Variants in DNAH12 observed in about 807,000 individuals in gnomAD.
DNAH12 encodes dynein axonemal heavy chain 12.
Under a neutral mutation model 371.5 loss-of-function variants are expected in DNAH12, and 285 were observed. The ratio of observed to expected loss-of-function variants is 0.77; its 90% CI spans 0.70 to 0.85. The LOEUF is 0.85. DNAH12 is among the 40% of genes least tolerant of loss of function. The pLI is 0.00. For synonymous variants in DNAH12, 1,200 were observed against 1,213.0 expected (o/e 0.99, Z 0.22); for missense variants, 3,611 against 3,689.4 (o/e 0.98, Z 0.55).
chr3:57,368,573 T>C (rs1211221935), intron 55 of DNAH12, among the ~76,000 whole-genome samples: 1 of 152,190 alleles, frequency 6.6e-6, no homozygotes, highest in Non-Finnish European at 1.5e-5. Context: ...CAATATAATA[T>C]GCTGTCTTCA....
intron 60 of DNAH12, 50 bp from the exon 61 acceptor site, chr3:57,334,990 A>G (rs1009826881): frequency 6.6e-7 from 1 of 1,503,988 alleles, no homozygotes; most frequent in African/African-American, 1.4e-5. Context: ...TTTAAAATTG[A>G]ATGATGTCAA....
rs1575492006 is a variant in DNAH12, at chr3:57,352,297, T to C, written c.9534-72A>G. 4.3e-6 allele frequency: 6 copies of C among 1,403,336 alleles called. 1 individual carries two copies. The highest frequency in any genetic ancestry group is 2.8e-5 in the South Asian group (2 of 71,118). The allele number at this position is 1,403,336 out of a possible 1,614,324, so 86.9% of individuals were successfully genotyped here. On this transcript the variant is annotated intron_variant, in intron 59 of 73. Transcript: ENST00000495027. ...AATATAAGCAATGTGAATTAACATA[T>C]ACACTTTTTATTTTATGAAAGTATC...
At chr3:57,509,584 G>A (rs958198405) in intron 5 of DNAH12, among the ~76,000 whole-genome samples, 7 of 152,078 alleles carry the variant, frequency 4.6e-5, no homozygotes, top group Admixed American at 3.3e-4. Flanking sequence ...CATGGAGGCC[G>A]AGCGCGGTGG....
intron 62 of DNAH12, among the ~76,000 whole-genome samples, chr3:57,324,930 G>C (rs534420711): frequency 6.6e-6 from 1 of 152,224 alleles, no homozygotes; most frequent in African/African-American, 2.4e-5. Flanking sequence ...CCCCCACATG[G>C]CTCAGAGGGT....
In DNAH12 at chr3:57,368,545, T is replaced by TG. The variant is rs2063100371; in HGVS notation, c.8760-286_8760-285insC. Reference sequence around the variant, plus strand: ...TAGAAGTAGTAGGACCTTGTGAATCTACGAGCTCTGCTCTTCCCAATATAA... The same window carrying TG: ...TAGAAGTAGTAGGACCTTGTGAATCTGACGAGCTCTGCTCTTCCCAATATAA... On this transcript the variant is annotated intron_variant, in intron 55 of 73. Coordinates refer to ENST00000495027, the MANE Select transcript of DNAH12 (RefSeq NM_001366028.2). 2.0e-5 allele frequency among the ~76,000 whole-genome samples: 3 copies of TG among 152,154 alleles called. No individual in the cohort carries two copies. In the South Asian group the frequency reaches 6.2e-4, roughly 31 times the overall value.
chr3:57,546,112 T>G (rs1264599008), upstream of DNAH12, among the ~76,000 whole-genome samples: 1 of 152,160 alleles, frequency 6.6e-6, no homozygotes, highest in Non-Finnish European at 1.5e-5. Flanking sequence ...AATCATCATT[T>G]CAGCTCCTGA....
intron 4 of DNAH12, among the ~76,000 whole-genome samples, chr3:57,516,414 A>G (rs532745026): frequency 6.6e-6 from 1 of 152,176 alleles, no homozygotes; most frequent in African/African-American, 2.4e-5. Flanking sequence ...GTCCCTCACT[A>G]TATCAATGGG....
In DNAH12 at chr3:57,510,953, A is replaced by G; in HGVS notation, c.306T>C (p.Cys102=). Reference sequence around the variant, plus strand: ...TAGGTACTAAAGGACTACTTTCTACACATTGCTTCATATAAATATAGTTGA... The same window carrying G: ...TAGGTACTAAAGGACTACTTTCTACGCATTGCTTCATATAAATATAGTTGA... ...KGFNYIYMKQ[C]VESSPLVPIQ... Residue 102 remains cysteine, a synonymous_variant, in exon 5 of 74, where the codon TGT becomes TGC. Transcript: ENST00000495027. 3.1e-6 allele frequency: 5 copies of G among 1,603,432 alleles called. No individual in the cohort carries two copies. The highest frequency in any genetic ancestry group is 4.2e-6 in the Non-Finnish European group (5 of 1,177,842).
rs373935163 is a variant in DNAH12, at chr3:57,478,318, G to A, written c.1650+5058C>T. Among the ~76,000 whole-genome samples the A allele has an allele frequency of 3.0e-4, 46 of 152,252 alleles. 1 individual carries two copies. In the South Asian group the frequency reaches 6.4e-3, roughly 21 times the overall value. ...CCGATTCGATCAACTGGAAGAAAGGGTATCAGTGATGGAAGATCAAATGAA... is the reference window on the plus strand; with the variant it reads ...CCGATTCGATCAACTGGAAGAAAGGATATCAGTGATGGAAGATCAAATGAA... On this transcript the variant is annotated intron_variant, in intron 13 of 73. Coordinates refer to ENST00000495027, the MANE Select transcript of DNAH12 (RefSeq NM_001366028.2).
At chr3:57,455,747 T>C (rs570931840) in intron 22 of DNAH12, among the ~76,000 whole-genome samples, 1 of 152,332 alleles carries the variant, frequency 6.6e-6, no homozygotes, top group South Asian at 2.1e-4. Context: ...AATTTTACAA[T>C]TATATATTTG....
At chr3:57,373,373 T>A (rs1295575370) in intron 55 of DNAH12, among the ~76,000 whole-genome samples, 3 of 151,714 alleles carry the variant, frequency 2.0e-5, no homozygotes, top group Admixed American at 2.0e-4. Context: ...TGGAGTGCAG[T>A]GGCGCAATCT....
chr3:57,550,889 T>C, the DNAH12 span, among the ~76,000 whole-genome samples: 3 of 151,410 alleles, frequency 2.0e-5, no homozygotes. Flanking sequence ...AATTTTTTTT[T>C]TTTTTTTGAG....
rs2068798221 is a variant in DNAH12 at position 57,530,349 on chromosome 3, T to C, written c.171-6465A>G. On this transcript the variant is annotated intron_variant, in intron 2 of 73. Coordinates refer to ENST00000495027, the MANE Select transcript of DNAH12 (RefSeq NM_001366028.2). ...AAATACAGAAAGGATGAGGATTTAT[T>C]TGCCTTTCTGGGCCTTGATTTTCCA... 8 of 474,632 alleles carry C rather than the reference T, an allele frequency of 1.7e-5. No homozygotes were observed. The South Asian group carries it at 3.0e-4, about 18-fold the overall frequency. The allele number at this position is 474,632 out of a possible 1,614,324, so 29.4% of individuals were successfully genotyped here.
intron 45 of DNAH12, among the ~76,000 whole-genome samples, chr3:57,390,424 A>AAAAAAAAAAAAT: frequency 3.0e-5 from 1 of 33,440 alleles, no homozygotes; most frequent in African/African-American, 6.3e-5. Context: ...AAAAAAAAAA[A>AAAAAAAAAAAAT]ATATATATAT....
rs140326175 is a variant in DNAH12 at position 57,415,451 on chromosome 3, G to C, written c.5828C>G (p.Ala1943Gly). 43,815 of 1,550,476 alleles carry C rather than the reference G, an allele frequency of 0.028. 713 individuals are homozygous for C. Among genetic ancestry groups the C allele is most frequent in the Middle Eastern group, 0.033 (195 of 5,984 alleles). ...QYFPFYINLS[A>G]RTSANQVQNI... Reference sequence around the variant, plus strand: ...CTGAACCTGATTGGCGCTGGTCCGTGCAGATAAGTTAATATAAAAAGGAAA... The same window carrying C: ...CTGAACCTGATTGGCGCTGGTCCGTCCAGATAAGTTAATATAAAAAGGAAA... Residue 1943 changes from alanine (A) to glycine (G), a missense_variant, in exon 38 of 74, where the codon GCA becomes GGA. Ala to Gly is a moderately conservative substitution (Grantham distance 60). Transcript: ENST00000495027.
At chr3:57,438,934 G>GAAAAAAAAAAAAAAAAA (rs1559659768) in intron 29 of DNAH12, among the ~76,000 whole-genome samples, 8 of 48,274 alleles carry the variant, frequency 1.7e-4, no homozygotes, top group Non-Finnish European at 2.0e-4. Context: ...AAAAAAAAAG[G>GAAAAAAAAAAAAAAAAA]AAAGCAACTC....
chr3:57,349,213 A>G (rs1553659300), intron 60 of DNAH12, among the ~76,000 whole-genome samples: 1 of 152,236 alleles, frequency 6.6e-6, no homozygotes, highest in East Asian at 1.9e-4. Context: ...ATGGCCAACA[A>G]GCATATGGAA....
chr3:57,520,465 C>T (rs1575725465), intron 4 of DNAH12, among the ~76,000 whole-genome samples: 2 of 132,072 alleles, frequency 1.5e-5, no homozygotes, highest in East Asian at 2.1e-4. Context: ...TTTTTTGAGA[C>T]GGAGTCTTGC....
At chr3:57,328,669 C>T (rs2062010490) in intron 62 of DNAH12, among the ~76,000 whole-genome samples, 2 of 143,856 alleles carry the variant, frequency 1.4e-5, no homozygotes, top group South Asian at 2.3e-4. Context: ...GATGCCCTCT[C>T]TCACCACTCC....
Sources: allele counts gnomAD v4.1 joint callset (sites outside exome capture counted in the v4.1 genomes callset), GRCh38; gene constraint gnomAD v4.1.1; transcripts MANE v1.5; gene names NCBI Gene and HGNC (gene_info 2026-07-23, HGNC 2026-07-21).